Variants in GRID2 observed in about 807,000 individuals in gnomAD.
The protein encoded by GRID2 is glutamate receptor ionotropic, delta-2.
A neutral mutation model predicts 114.8 loss-of-function variants in GRID2; 33 were observed. The ratio of observed to expected loss-of-function variants is 0.29; its 90% confidence interval spans 0.22 to 0.38. The LOEUF (loss-of-function observed/expected upper bound fraction) is 0.38. GRID2 is among the 10% of genes least tolerant of loss of function. GRID2 has a pLI of 1.00. For missense variants in GRID2, 1,184 were observed against 1,257.7 expected (o/e 0.94, Z 0.89); for synonymous variants, 505 against 449.9 (o/e 1.12, Z -1.55).
chr4:93,180,275 C>A (rs528183712), intron 4 of GRID2, among the ~76,000 whole-genome samples: 1 of 151,994 alleles, frequency 6.6e-6, no homozygotes, highest in African/African-American at 2.4e-5. Context: ...TTGCACTATA[C>A]TGTAGCATAG....
chr4:93,065,743 A>G (rs1451369173), intron 2 of GRID2, among the ~76,000 whole-genome samples: 1 of 151,920 alleles, frequency 6.6e-6, no homozygotes, highest in Non-Finnish European at 1.5e-5. Flanking sequence ...TGTTGTATCA[A>G]TAGTGATTCA....
intron 14 of GRID2, among the ~76,000 whole-genome samples, chr4:93,681,844 C>T (rs560248799): frequency 6.6e-6 from 1 of 152,150 alleles, no homozygotes; most frequent in Admixed American, 6.5e-5. Context: ...AAAACCTAGG[C>T]ATTACCATTC....
At position 92,870,505 on chromosome 4, in the gene GRID2, C is replaced by G. The variant is rs1411393209; in HGVS notation, c.245-214490C>G. Among the ~76,000 whole-genome samples the G allele has an allele frequency of 2.0e-5, 3 of 151,828 alleles. 1 individual carries two copies. Among genetic ancestry groups the G allele is most frequent in the Non-Finnish European group, 4.4e-5 (3 of 67,996 alleles). ...CTCAAGTGTATCACATTGATCACTCCTATTGAAAAGAATTAAACATTATAA... is the reference window on the plus strand; with the variant it reads ...CTCAAGTGTATCACATTGATCACTCGTATTGAAAAGAATTAAACATTATAA... On this transcript the variant is annotated intron_variant, in intron 2 of 15. Coordinates refer to ENST00000282020, the MANE Select transcript of GRID2 (RefSeq NM_001510.4).
At chr4:93,218,644 G>T (rs1428427813) in intron 6 of GRID2, among the ~76,000 whole-genome samples, 2 of 152,136 alleles carry the variant, frequency 1.3e-5, no homozygotes, top group Non-Finnish European at 1.5e-5. Flanking sequence ...TGTAATTAAG[G>T]AGAAGGCAAT....
At chr4:93,290,826 C>A (rs1753657188) in intron 8 of GRID2, among the ~76,000 whole-genome samples, 1 of 147,496 alleles carries the variant, frequency 6.8e-6, no homozygotes, top group Non-Finnish European at 1.5e-5. Context: ...GGGTAAGATG[C>A]TTCATTTATA....
chr4:92,602,054 C>G (rs946061951), intron 2 of GRID2, among the ~76,000 whole-genome samples: 1 of 151,812 alleles, frequency 6.6e-6, no homozygotes, highest in Non-Finnish European at 1.5e-5. Context: ...CAGGGCCAGA[C>G]GGATTTATAG....
intron 1 of GRID2, among the ~76,000 whole-genome samples, chr4:93,805,798 T>C (rs1455170026): frequency 1.3e-5 from 2 of 152,214 alleles, no homozygotes; most frequent in African/African-American, 4.8e-5. Context: ...AAGTTTCTTA[T>C]TTAAGAGCAT....
At chr4:93,656,546 A>G (rs1261269071) in intron 14 of GRID2, among the ~76,000 whole-genome samples, 1 of 152,008 alleles carries the variant, frequency 6.6e-6, no homozygotes, top group Non-Finnish European at 1.5e-5. Flanking sequence ...AATAAGACAA[A>G]TAGGCCGAGC....
In GRID2 at chr4:92,933,977, A is replaced by G. The variant is rs148040282; in HGVS notation, c.245-151018A>G. Among the ~76,000 whole-genome samples the G allele has an allele frequency of 7.7e-3, 1,171 of 151,806 alleles. 18 individuals carry two copies. Among genetic ancestry groups the G allele is most frequent in the African/African-American group, 0.027 (1,107 of 41,482 alleles). On this transcript the variant is annotated intron_variant, in intron 2 of 15. Transcript: ENST00000282020. ...CTCTATGAAACTTCCTGCAAATATA[A>G]TACTTAAACACTCTATAAAAGATTG...
chr4:93,440,073 G>A (rs1721481186), intron 10 of GRID2, among the ~76,000 whole-genome samples: 1 of 152,038 alleles, frequency 6.6e-6, no homozygotes, highest in Non-Finnish European at 1.5e-5. Context: ...CACCCACTGG[G>A]ATCAGGAGAA....
At chr4:92,713,401 G>T (rs1169365681) in intron 2 of GRID2, among the ~76,000 whole-genome samples, 1 of 141,512 alleles carries the variant, frequency 7.1e-6, no homozygotes, top group Non-Finnish European at 1.5e-5. Context: ...TCTCTGAGTG[G>T]GTTATATAAC....
intron 2 of GRID2, among the ~76,000 whole-genome samples, chr4:93,024,350 GA>G (rs1481216948): frequency 4.0e-5 from 6 of 151,570 alleles, no homozygotes; most frequent in Non-Finnish European, 8.9e-5. Flanking sequence ...GAAGTTGTAG[GA>G]ATAGCTTATG....
intron 1 of GRID2, among the ~76,000 whole-genome samples, chr4:92,310,907 C>A (rs1304397690): frequency 6.6e-6 from 1 of 151,978 alleles, no homozygotes; most frequent in Non-Finnish European, 1.5e-5. Flanking sequence ...AAATAAGGAA[C>A]ATGAAATCTT....
chr4:93,717,411 T>TC (rs1728992572), intron 14 of GRID2, among the ~76,000 whole-genome samples: 1 of 150,942 alleles, frequency 6.6e-6, no homozygotes, highest in Non-Finnish European at 1.5e-5. Flanking sequence ...TAATAGGTGT[T>TC]TTTTTTTTAG....
At chr4:93,088,767 A>T (rs1044865519) in intron 3 of GRID2, among the ~76,000 whole-genome samples, 6 of 152,146 alleles carry the variant, frequency 3.9e-5, no homozygotes, top group African/African-American at 1.4e-4. Context: ...GTGAAGTAAG[A>T]ACTTTACTGT....
At position 93,438,624 on chromosome 4, in the gene GRID2, A is replaced by G. The variant is rs966951478; in HGVS notation, c.1545+15656A>G. 3.3e-5 allele frequency among the ~76,000 whole-genome samples: 5 copies of G among 152,246 alleles called. No homozygotes were observed. The South Asian group carries it at 6.2e-4, about 19-fold the overall frequency. On this transcript the variant is annotated intron_variant, in intron 10 of 15. Coordinates refer to ENST00000282020, the MANE Select transcript of GRID2 (RefSeq NM_001510.4). The stretch of plus-strand genomic sequence containing the variant: ...AATAATGGAATGTCTACATTAAAAC[A>G]ACAGTAACAGGAGACTAACAAAAAG...
At chr4:93,703,193 A>G (rs543211053) in intron 14 of GRID2, among the ~76,000 whole-genome samples, 1 of 152,248 alleles carries the variant, frequency 6.6e-6, no homozygotes, top group South Asian at 2.1e-4. Context: ...TTGCTAGCTA[A>G]TATTTTAACT....
intron 2 of GRID2, among the ~76,000 whole-genome samples, chr4:93,013,290 G>A (rs1722363430): frequency 6.6e-6 from 1 of 151,864 alleles, no homozygotes; most frequent in Non-Finnish European, 1.5e-5. Context: ...GCCTTCTTTT[G>A]TTGGTTGAGT....
intron 1 of GRID2, among the ~76,000 whole-genome samples, chr4:92,467,560 C>T (rs1721815822): frequency 1.3e-5 from 2 of 151,886 alleles, no homozygotes. Context: ...AAAAATCTTT[C>T]CACATTCTCT....
Sources: allele counts gnomAD v4.1 joint callset (sites outside exome capture counted in the v4.1 genomes callset), GRCh38; gene constraint gnomAD v4.1.1; transcripts MANE v1.5; gene names NCBI Gene and HGNC (gene_info 2026-07-23, HGNC 2026-07-21).